Variants in TRDN observed in about 807,000 individuals in gnomAD.
TRDN encodes the protein triadin, also known as triadin in skeletal muscle.
Under a neutral mutation model 149.7 loss-of-function variants are expected in TRDN, and 161 were observed. That is an observed-to-expected ratio of 1.08 (90% CI 0.95 to 1.23). The LOEUF is 1.23. Among genes scored for constraint, TRDN ranks in the 50% most tolerant of loss-of-function variants. The pLI, the probability that TRDN is intolerant of heterozygous loss-of-function variation, is 0.00. For missense variants in TRDN, 896 were observed against 823.5 expected (o/e 1.09, Z -1.08); for synonymous variants, 294 against 250.5 (o/e 1.17, Z -1.64).
chr6:123,331,903 C>G lies in TRDN; in HGVS notation c.1447G>C (p.Val483Leu). ...CCTTTTTCCTTTAGGGAAGCTGGAACTTTCTCTTCTTTCCCTTTAATAGGT... is the reference window on the plus strand; with the variant it reads ...CCTTTTTCCTTTAGGGAAGCTGGAAGTTTCTCTTCTTTCCCTTTAATAGGT... ...KEPIKGKEEK[V>L]PASLKEKEPE... The change falls in exon 23 of 41, where the codon GTT becomes CTT. Residue 483 changes from valine (V) to leucine (L), a missense_variant. Transcript: ENST00000334268. 1 of 1,547,460 alleles carries G rather than the reference C, an allele frequency of 6.5e-7. No individual in the cohort carries two copies. Among genetic ancestry groups the G allele is most frequent in the South Asian group, 1.2e-5 (1 of 82,014 alleles).
chr6:123,258,529 C>T (rs1345268042), intron 35 of TRDN, among the ~76,000 whole-genome samples: 1 of 152,050 alleles, frequency 6.6e-6, no homozygotes, highest in South Asian at 2.1e-4. Flanking sequence ...CTGCTGGATT[C>T]GGATTGCCAG....
intron 10 of TRDN, among the ~76,000 whole-genome samples, chr6:123,441,556 T>C (rs1184036718): frequency 2.0e-5 from 3 of 152,120 alleles, no homozygotes; most frequent in African/African-American, 7.2e-5. Flanking sequence ...GGGAAAGAAA[T>C]CTTCCCTACA....
intron 12 of TRDN, among the ~76,000 whole-genome samples, chr6:123,428,102 G>C (rs989234470): frequency 1.3e-5 from 2 of 152,118 alleles, no homozygotes; most frequent in Admixed American, 6.6e-5. Flanking sequence ...GTTGTATCTA[G>C]TCCATCTCAT....
At chr6:123,271,579 C>A (rs1414316830) in intron 29 of TRDN, among the ~76,000 whole-genome samples, 1 of 151,952 alleles carries the variant, frequency 6.6e-6, no homozygotes, top group African/African-American at 2.4e-5. Context: ...TGATACCTCC[C>A]TGGGAACCCA....
Position 123,218,751 on chromosome 6 carries a change from G to C in TRDN, c.2051-11C>G. The C allele has an allele frequency of 1.3e-6, 2 of 1,557,028 alleles. No individual in the cohort carries two copies. The highest frequency in any genetic ancestry group is 1.7e-6 in the Non-Finnish European group (2 of 1,148,734). The stretch of plus-strand genomic sequence containing the variant: ...AGAAACTGATGGGACCTAAGGAACA[G>C]AGCATGACAGTTTGTTAAAACATGC... On this transcript the variant is annotated splice_polypyrimidine_tract_variant and intron_variant, in intron 40 of 40. Transcript: ENST00000334268.
chr6:123,526,870 A>C (rs1779976879), intron 5 of TRDN, among the ~76,000 whole-genome samples: 1 of 152,022 alleles, frequency 6.6e-6, no homozygotes, highest in South Asian at 2.1e-4. Flanking sequence ...GAAAACTGTA[A>C]GGGACTCTCA....
rs142429299 is a variant in TRDN, at chr6:123,464,113, C to T, written c.931+793G>A. 804 of 345,082 alleles carry T rather than the reference C, an allele frequency of 2.3e-3. 10 individuals are homozygous for T. The highest frequency in any genetic ancestry group is 0.017 in the African/African-American group (745 of 44,968). The allele number at this position is 345,082 out of a possible 1,614,324, so 21.4% of individuals were successfully genotyped here. ...TTTAATTACTGGTGTTTTATATAGG[C>T]AAATTGAGTCTTGACAGAGAAGGAA... On this transcript the variant is annotated intron_variant, in intron 10 of 40. Coordinates refer to ENST00000334268, the MANE Select transcript of TRDN (RefSeq NM_006073.4).
chr6:123,526,114 C>T (rs1779933492), intron 5 of TRDN, among the ~76,000 whole-genome samples: 1 of 152,000 alleles, frequency 6.6e-6, no homozygotes, highest in East Asian at 1.9e-4. Context: ...AGTACTGCCA[C>T]ATCTCATTTC....
At chr6:123,581,980 GATTT>G (rs969410601) in intron 1 of TRDN, among the ~76,000 whole-genome samples, 2 of 152,116 alleles carry the variant, frequency 1.3e-5, no homozygotes, top group African/African-American at 4.8e-5. Flanking sequence ...TAAATGAATG[GATTT>G]ATTCTGAGCC....
intron 22 of TRDN, 64 bp downstream of exon 22, chr6:123,337,555 T>G: frequency 1.3e-6 from 1 of 780,280 alleles, no homozygotes; most frequent in Non-Finnish European, 1.9e-6. Flanking sequence ...GCTAATGTAC[T>G]GTGTTCTCAA....
chr6:123,617,883 G>T lies in TRDN; in HGVS notation c.22+18871C>A, dbSNP rs111798306. 1.1e-3 allele frequency among the ~76,000 whole-genome samples: 171 copies of T among 152,046 alleles called. 1 individual carries two copies. Among genetic ancestry groups the T allele is most frequent in the African/African-American group, 4.0e-3 (166 of 41,474 alleles). ...CCTCCAAGTAGCTGGGATGACAGGTGCCCGCCAACACACCCGGCTAATTTT... is the reference window on the plus strand; with the variant it reads ...CCTCCAAGTAGCTGGGATGACAGGTTCCCGCCAACACACCCGGCTAATTTT... On this transcript the variant is annotated intron_variant, in intron 1 of 40. Transcript: ENST00000334268.
chr6:123,225,596 A>G (rs1775326528), intron 38 of TRDN, among the ~76,000 whole-genome samples: 1 of 151,644 alleles, frequency 6.6e-6, no homozygotes, highest in African/African-American at 2.4e-5. Context: ...CATGTTAATT[A>G]GCTTGATTTT....
At chr6:123,218,774 T>C (rs1775033314) in intron 40 of TRDN, 34 bp from the exon 41 acceptor site, 1 of 1,546,498 alleles carries the variant, frequency 6.5e-7, no homozygotes, top group Non-Finnish European at 8.7e-7. Context: ...TGTTAAAACA[T>C]GCAGAACATG....
At chr6:123,618,483 C>T (rs1314782180) in intron 1 of TRDN, among the ~76,000 whole-genome samples, 2 of 152,128 alleles carry the variant, frequency 1.3e-5, no homozygotes, top group African/African-American at 4.8e-5. Context: ...GTCCTCTCTC[C>T]CGCTCGAGGT....
rs73536935 is a variant in TRDN at position 123,370,613 on chromosome 6, A to T, written c.1274-4431T>A. ...TTTCATAGAAGTGAAATTGCTAGGC[A>T]TGTACCCTAGATAAATGACACATTT... On this transcript the variant is annotated intron_variant, in intron 19 of 40. Coordinates refer to ENST00000334268, the MANE Select transcript of TRDN (RefSeq NM_006073.4). Among the ~76,000 whole-genome samples, 1,335 of 152,236 alleles carry T rather than the reference A, an allele frequency of 8.8e-3. 9 individuals carry two copies. Among genetic ancestry groups the T allele is most frequent in the Non-Finnish European group, 0.014 (933 of 68,020 alleles).
At chr6:123,413,762 T>C (rs1214334588) in intron 12 of TRDN, among the ~76,000 whole-genome samples, 2 of 152,122 alleles carry the variant, frequency 1.3e-5, no homozygotes, top group Admixed American at 6.6e-5. Context: ...GCTTGCCTAT[T>C]ATAACAGACA....
intron 12 of TRDN, among the ~76,000 whole-genome samples, chr6:123,436,640 A>G (rs996328607): frequency 6.6e-6 from 1 of 152,072 alleles, no homozygotes; most frequent in Non-Finnish European, 1.5e-5. Flanking sequence ...ACTACTTAGA[A>G]AAGGAAAGAT....
chr6:123,324,771 G>A (rs1467080401), intron 23 of TRDN, among the ~76,000 whole-genome samples: 1 of 152,174 alleles, frequency 6.6e-6, no homozygotes, highest in African/African-American at 2.4e-5. Flanking sequence ...CTTTTGTATA[G>A]CTAATGCTTG....
At chr6:123,619,072 T>C (rs1785246639) in intron 1 of TRDN, among the ~76,000 whole-genome samples, 1 of 152,206 alleles carries the variant, frequency 6.6e-6, no homozygotes, top group South Asian at 2.1e-4. Context: ...AAGTTACCAT[T>C]ATTCATTGGG....
Sources: gnomAD v4.1 joint callset for allele counts (sites outside exome capture counted in the v4.1 genomes callset) on GRCh38, gnomAD v4.1.1 for gene constraint, MANE v1.5 for transcripts, NCBI Gene and HGNC (gene_info 2026-07-23, HGNC 2026-07-21) for gene names.